The following PDE4B variants were observed in gnomAD, a reference collection of about 807,000 sequenced individuals.
The protein encoded by PDE4B is 3',5'-cyclic-AMP phosphodiesterase 4B.
Under a neutral mutation model 82.2 loss-of-function variants are expected in PDE4B, and 20 were observed. That is an observed-to-expected ratio of 0.24 (90% CI 0.17 to 0.35). PDE4B has a LOEUF of 0.35. Among genes scored for constraint, PDE4B ranks in the 10% least tolerant of loss-of-function variants. The pLI is 1.00. For missense variants in PDE4B, 655 were observed against 907.2 expected (o/e 0.72, Z 3.57); for synonymous variants, 320 against 318.9 (o/e 1.00, Z -0.04).
chr1:65,887,251 C>CTTTCTTTCTTTCT (rs1646795258), intron 1 of PDE4B, among the ~76,000 whole-genome samples: 1 of 27,958 alleles, frequency 3.6e-5, no homozygotes, highest in African/African-American at 1.4e-4. Context: ...TCTTTCTTTT[C>CTTTCTTTCTTTCT]TTTCTTTCTT....
rs1049932932 is a variant in PDE4B, at chr1:66,110,979, G to A, written c.282-136481G>A. Among the ~76,000 whole-genome samples the A allele has an allele frequency of 3.9e-5, 6 of 152,012 alleles. 1 individual carries two copies. Among genetic ancestry groups the A allele is most frequent in the Non-Finnish European group, 5.9e-5 (4 of 67,960 alleles). ...TCTGACCAATTTGGGCAGAGCTGAA[G>A]CTTACTTTGTAACGCCCTGGAAGCA... On this transcript the variant is annotated intron_variant, in intron 3 of 16. Transcript: ENST00000341517.
rs912872599 is a variant in PDE4B, at chr1:65,978,275, G to A, written c.281+59440G>A. 6.6e-5 allele frequency among the ~76,000 whole-genome samples: 10 copies of A among 152,034 alleles called. No homozygotes were observed. The East Asian group carries it at 1.7e-3, about 27-fold the overall frequency. ...ACTCCTGATCTCAGGTGATCCACCC[G>A]CCTTGGCCTCCTAAAGTACTGGGAT... On this transcript the variant is annotated intron_variant, in intron 3 of 16. Transcript: ENST00000341517.
rs1180414508 is a variant in PDE4B, at chr1:65,861,983, G to A, written c.-70-51262G>A. On this transcript the variant is annotated intron_variant, in intron 1 of 16. Transcript: ENST00000341517. ...ATGGGTTTTCTAAATATAGAATAAT[G>A]TCATCTGCAAACAGAGACTGTTTGA... Among the ~76,000 whole-genome samples, 4 of 152,068 alleles carry A rather than the reference G, an allele frequency of 2.6e-5. No individual in the cohort carries two copies. The East Asian group carries it at 7.7e-4, about 29-fold the overall frequency.
At chr1:66,252,942 A>T (rs1272886432) in intron 4 of PDE4B, among the ~76,000 whole-genome samples, 1 of 152,196 alleles carries the variant, frequency 6.6e-6, no homozygotes, top group Non-Finnish European at 1.5e-5. Flanking sequence ...CTGTCTCCAA[A>T]AAATAAATAA....
rs550470569 is a variant in PDE4B at position 66,189,652 on chromosome 1, C to T, written c.282-57808C>T. On this transcript the variant is annotated intron_variant, in intron 3 of 16. Transcript: ENST00000341517. Reference sequence around the variant, plus strand: ...GCTATTGAGGCTTGTGCATTCGTCACGTAGTTCTCATGCCATGGTTTTCAG... The same window carrying T: ...GCTATTGAGGCTTGTGCATTCGTCATGTAGTTCTCATGCCATGGTTTTCAG... Among the ~76,000 whole-genome samples, 9 of 152,300 alleles carry T rather than the reference C, an allele frequency of 5.9e-5. No individual in the cohort carries two copies. In the East Asian group the frequency reaches 7.7e-4, roughly 13 times the overall value.
chr1:65,884,825 A>C (rs146667392), intron 1 of PDE4B, among the ~76,000 whole-genome samples: 1 of 152,206 alleles, frequency 6.6e-6, no homozygotes, highest in Non-Finnish European at 1.5e-5. Context: ...CTAAAACACC[A>C]AAAGCAATGG....
intron 7 of PDE4B, among the ~76,000 whole-genome samples, chr1:66,280,359 T>TCTTG (rs1488809172): frequency 1.3e-5 from 2 of 152,172 alleles, no homozygotes; most frequent in Admixed American, 6.5e-5. Context: ...GAAGAGAAAA[T>TCTTG]CTTGGGCTTT....
intron 3 of PDE4B, among the ~76,000 whole-genome samples, chr1:66,012,136 C>T (rs981369235): frequency 2.6e-5 from 4 of 152,016 alleles, no homozygotes; most frequent in Non-Finnish European, 4.4e-5. Flanking sequence ...AAGTGTTCAC[C>T]AGTTGGGAAC....
At chr1:66,140,478 A>G (rs1424310232) in intron 3 of PDE4B, among the ~76,000 whole-genome samples, 1 of 152,250 alleles carries the variant, frequency 6.6e-6, no homozygotes, top group East Asian at 1.9e-4. Flanking sequence ...GAATCATGTA[A>G]GAAAAACTTG....
chr1:66,367,041 A>G (rs77498576), intron 13 of PDE4B, among the ~76,000 whole-genome samples: 2 of 152,340 alleles, frequency 1.3e-5, no homozygotes, highest in East Asian at 1.9e-4. Flanking sequence ...TGATTCTTCT[A>G]TATAAAAGGC....
At chr1:66,140,161 T>A (rs1570326199) in intron 3 of PDE4B, among the ~76,000 whole-genome samples, 1 of 152,160 alleles carries the variant, frequency 6.6e-6, no homozygotes, top group South Asian at 2.1e-4. Flanking sequence ...TAAACTGTTA[T>A]CACCCAATTA....
At chr1:66,168,215 A>C (rs773808924) in intron 3 of PDE4B, among the ~76,000 whole-genome samples, 3 of 152,196 alleles carry the variant, frequency 2.0e-5, no homozygotes, top group African/African-American at 7.2e-5. Flanking sequence ...TGTGTTAGGC[A>C]CTACAGTAGG....
intron 3 of PDE4B, among the ~76,000 whole-genome samples, chr1:65,975,957 G>C (rs916593723): frequency 2.6e-5 from 4 of 152,220 alleles, no homozygotes; most frequent in Non-Finnish European, 5.9e-5. Context: ...GAGGGGAACT[G>C]TGGGGTTGAA....
At chr1:65,924,310 G>C (rs1286269976) in intron 3 of PDE4B, among the ~76,000 whole-genome samples, 2 of 150,276 alleles carry the variant, frequency 1.3e-5, no homozygotes, top group Non-Finnish European at 3.0e-5. Context: ...TCCTGACCTC[G>C]TGATCCGCCC....
Position 65,913,360 on chromosome 1 carries a change from A to G in PDE4B, c.42+4A>G, listed in dbSNP as rs776639462. 1 of 1,613,452 alleles carries G rather than the reference A, an allele frequency of 6.2e-7. No homozygotes were observed. The highest frequency in any genetic ancestry group is 2.2e-5 in the East Asian group (1 of 44,886). On this transcript the variant is annotated splice_donor_region_variant and intron_variant, in intron 2 of 16. Transcript: ENST00000341517. ...GATGACGGTGATGGCTGATGATGTAAGTTTCAAAAGGTCCCAATCATGTTT... is the reference window on the plus strand; with the variant it reads ...GATGACGGTGATGGCTGATGATGTAGGTTTCAAAAGGTCCCAATCATGTTT...
chr1:66,142,214 G>T (rs1646186932), intron 3 of PDE4B, among the ~76,000 whole-genome samples: 1 of 152,060 alleles, frequency 6.6e-6, no homozygotes, highest in Non-Finnish European at 1.5e-5. Flanking sequence ...CTGTCTCAGG[G>T]GTGGCAGAGG....
intron 6 of PDE4B, among the ~76,000 whole-genome samples, chr1:66,262,368 G>C (rs186097464): frequency 1.1e-4 from 16 of 152,320 alleles, no homozygotes; most frequent in Admixed American, 9.8e-4. Flanking sequence ...AAGAAACTAG[G>C]AGGTTCCGTG....
intron 7 of PDE4B, among the ~76,000 whole-genome samples, chr1:66,303,548 C>A (rs72924502): frequency 0.019 from 2,851 of 152,114 alleles, 102 homozygotes; most frequent in African/African-American, 0.066. Flanking sequence ...GCTTATTCCT[C>A]CTAACAGAAA....
chr1:65,961,061 T>A (rs1279609144), intron 3 of PDE4B, among the ~76,000 whole-genome samples: 1 of 152,136 alleles, frequency 6.6e-6, no homozygotes, highest in Non-Finnish European at 1.5e-5. Context: ...ACAAAACAGA[T>A]GAAACCTTTG....
Sources: allele counts gnomAD v4.1 joint callset (sites outside exome capture counted in the v4.1 genomes callset), GRCh38; gene constraint gnomAD v4.1.1; transcripts MANE v1.5; gene names NCBI Gene and HGNC (gene_info 2026-07-23, HGNC 2026-07-21).